Variants in NT5C3A observed in about 807,000 individuals in gnomAD.
NT5C3A encodes the protein 5'-nucleotidase, cytosolic IIIA, also known as cytosolic 5'-nucleotidase 3A.
A neutral mutation model predicts 40.0 loss-of-function variants in NT5C3A; 23 were observed. The ratio of observed to expected loss-of-function variants is 0.58; its 90% CI spans 0.41 to 0.81. The LOEUF is 0.81. Ranked by LOEUF, NT5C3A falls within the 40% of genes least tolerant of loss-of-function variation. The pLI is 0.00. For missense variants in NT5C3A, 328 were observed against 403.0 expected (o/e 0.81, Z 1.59); for synonymous variants, 130 against 141.4 (o/e 0.92, Z 0.57).
chr7:33,019,176 G>C (rs1359589144), intron 6 of NT5C3A, among the ~76,000 whole-genome samples: 1 of 151,766 alleles, frequency 6.6e-6, no homozygotes. Flanking sequence ...GATCGCTTGA[G>C]CCCAGGAGGC....
intron 8 of NT5C3A, 53 bp downstream of exon 8, chr7:33,015,617 C>G (rs1180751768): frequency 3.4e-6 from 4 of 1,189,666 alleles, no homozygotes; most frequent in Non-Finnish European, 5.0e-6. Context: ...AATTGCCTAT[C>G]AAGTTTCATC....
In NT5C3A at chr7:33,053,227, C is replaced by A. The variant is rs149435173; in HGVS notation, c.138+9341G>T. On this transcript the variant is annotated intron_variant, in intron 1 of 8. Transcript: ENST00000610140. ...TTCGAGACAGAGTCTTGCTCTGTTG[C>A]CCAGAGCTGGAGTGCAATGGTGTAA... 7.9e-5 allele frequency among the ~76,000 whole-genome samples: 12 copies of A among 152,190 alleles called. No individual in the cohort carries two copies. The East Asian group carries it at 2.3e-3, about 30-fold the overall frequency.
At chr7:33,058,638 GC>G (rs1327376959) in intron 1 of NT5C3A, among the ~76,000 whole-genome samples, 1 of 152,160 alleles carries the variant, frequency 6.6e-6, no homozygotes, top group Non-Finnish European at 1.5e-5. Context: ...GGCGGGAGCC[GC>G]CGCGCCTGGC....
At chr7:33,040,684 ACT>A (rs1290548097) in intron 1 of NT5C3A, among the ~76,000 whole-genome samples, 121 of 152,256 alleles carry the variant, frequency 7.9e-4, no homozygotes, top group African/African-American at 2.6e-3. Context: ...GAGACCTAAG[ACT>A]CTTCAAAGTT....
chr7:33,042,978 T>C lies in NT5C3A; in HGVS notation c.139-16063A>G, dbSNP rs559425289. ...ATGATTATTATGAATAGCTAAAATG[T>C]ATTGTGTTTACTATGTGCCAGATGC... On this transcript the variant is annotated intron_variant, in intron 1 of 8. Transcript: ENST00000610140. Among the ~76,000 whole-genome samples the C allele has an allele frequency of 2.3e-3, 350 of 152,330 alleles. 2 individuals carry two copies. Among genetic ancestry groups the C allele is most frequent in the Non-Finnish European group, 4.3e-3 (292 of 68,016 alleles).
chr7:33,017,728 G>T, intron 6 of NT5C3A, 127 bp from the exon 7 acceptor site: 1 of 760,148 alleles, frequency 1.3e-6, no homozygotes, highest in Non-Finnish European at 2.3e-6. Context: ...TCAATATACT[G>T]CCCAAGAGGG....
intron 3 of NT5C3A, chr7:33,023,815 C>T (rs1785764890): frequency 3.7e-6 from 2 of 534,082 alleles, no homozygotes; most frequent in East Asian, 6.4e-5. Context: ...AGAAATATTT[C>T]AGGAGTCTCT....
In NT5C3A at chr7:33,019,744, G is replaced by A. The variant is rs1583898156; in HGVS notation, c.441-20C>T. 1.5e-6 allele frequency: 2 copies of A among 1,307,122 alleles called. No individual in the cohort carries two copies. Among genetic ancestry groups the A allele is most frequent in the Non-Finnish European group, 2.2e-6 (2 of 905,164 alleles). The allele number at this position is 1,307,122 out of a possible 1,614,324, so 81.0% of individuals were successfully genotyped here. ...GTATACCTGGAGTTTATGACCAAAGGAAAAAAGACTATCAATTAAGACAAA... is the reference window on the plus strand; with the variant it reads ...GTATACCTGGAGTTTATGACCAAAGAAAAAAAGACTATCAATTAAGACAAA... On this transcript the variant is annotated intron_variant, in intron 5 of 8. Transcript: ENST00000610140.
chr7:33,059,320 T>G lies in NT5C3A; in HGVS notation c.138+3248A>C, dbSNP rs373091058. 5.1e-3 allele frequency among the ~76,000 whole-genome samples: 770 copies of G among 152,334 alleles called. 6 individuals carry two copies. The highest frequency in any genetic ancestry group is 0.023 in the South Asian group (109 of 4,822). The stretch of plus-strand genomic sequence containing the variant: ...CTAAGCACTTTAAATATATTAACTA[T>G]TTCATGAACATTTCTAGTTGGTCAT... On this transcript the variant is annotated intron_variant, in intron 1 of 8. Transcript: ENST00000610140.
intron 1 of NT5C3A, among the ~76,000 whole-genome samples, chr7:33,052,787 T>C (rs977883311): frequency 6.6e-6 from 1 of 152,160 alleles, no homozygotes; most frequent in African/African-American, 2.4e-5. Flanking sequence ...TTAGCACACA[T>C]CACAATCACC....
At chr7:33,027,875 CA>C (rs1363927721) in intron 1 of NT5C3A, among the ~76,000 whole-genome samples, 1 of 152,156 alleles carries the variant, frequency 6.6e-6, no homozygotes, top group African/African-American at 2.4e-5. Flanking sequence ...AGCTCATCCT[CA>C]TTATATACTT....
intron 1 of NT5C3A, among the ~76,000 whole-genome samples, chr7:33,028,087 CA>C: frequency 6.6e-6 from 1 of 151,972 alleles, no homozygotes; most frequent in Non-Finnish European, 1.5e-5. Context: ...TACTATTTTC[CA>C]AATAATATAC....
intron 2 of NT5C3A, 152 bp from the exon 3 acceptor site, chr7:33,024,260 T>C (rs780280096): frequency 4.9e-5 from 32 of 655,402 alleles, no homozygotes; most frequent in Middle Eastern, 5.7e-4. Flanking sequence ...CTCTTTACAT[T>C]GAATTTTCTC....
At chr7:33,034,724 T>G (rs919327563) in intron 1 of NT5C3A, among the ~76,000 whole-genome samples, 1 of 152,144 alleles carries the variant, frequency 6.6e-6, no homozygotes, top group Non-Finnish European at 1.5e-5. Flanking sequence ...GGGGGAAAGA[T>G]GAACAAGAGA....
At chr7:33,046,805 C>CA (rs1787175190) in intron 1 of NT5C3A, among the ~76,000 whole-genome samples, 1 of 140,488 alleles carries the variant, frequency 7.1e-6, no homozygotes, top group Admixed American at 7.1e-5. Context: ...TTAGCACTGA[C>CA]TTTTTTTTTT....
rs747029432 is a variant in NT5C3A, at chr7:33,019,621, T to C, written c.530+14A>G. The stretch of plus-strand genomic sequence containing the variant: ...CTGTGAACAATAACAGCAAAAAACA[T>C]CCAAGAAACTTACTTGAGCATAACG... On this transcript the variant is annotated intron_variant, in intron 6 of 8. Coordinates refer to ENST00000610140, the MANE Select transcript of NT5C3A (RefSeq NM_001002010.5). 6.7e-6 allele frequency: 10 copies of C among 1,492,342 alleles called. No individual in the cohort carries two copies. Among genetic ancestry groups the C allele is most frequent in the Admixed American group, 1.7e-5 (1 of 59,816 alleles). 92.4% of individuals were successfully genotyped at this position (1,492,342 alleles called of 1,614,324 possible). A position where few individuals can be genotyped will look rare whatever the true frequency, so the allele number is the denominator to read the frequency against.
At chr7:33,054,345 C>T (rs1352045264) in intron 1 of NT5C3A, among the ~76,000 whole-genome samples, 1 of 123,206 alleles carries the variant, frequency 8.1e-6, no homozygotes, top group South Asian at 2.6e-4. Flanking sequence ...CAGAGTAAGA[C>T]CCTGCCTCAA....
chr7:33,033,877 C>CACAT (rs143426623), intron 1 of NT5C3A, among the ~76,000 whole-genome samples: 1 of 125,970 alleles, frequency 7.9e-6, no homozygotes, highest in Admixed American at 8.1e-5. Context: ...ATATAAAAGA[C>CACAT]ATATATATAT....
chr7:33,025,491 T>G (rs1221290908), intron 2 of NT5C3A, among the ~76,000 whole-genome samples: 3 of 152,202 alleles, frequency 2.0e-5, no homozygotes, highest in Non-Finnish European at 4.4e-5. Flanking sequence ...ATATCCAGAT[T>G]GTTGATTTAA....
Sources: gnomAD v4.1 joint callset for allele counts (sites outside exome capture counted in the v4.1 genomes callset) on GRCh38, gnomAD v4.1.1 for gene constraint, MANE v1.5 for transcripts, NCBI Gene and HGNC (gene_info 2026-07-23, HGNC 2026-07-21) for gene names.